Variants in PIK3C2G observed in about 807,000 individuals in gnomAD.
PIK3C2G encodes phosphatidylinositol-4-phosphate 3-kinase catalytic subunit type 2 gamma, also known as phosphatidylinositol 3-kinase C2 domain-containing subunit gamma.
In PIK3C2G, 168 loss-of-function variants were observed where a neutral mutation model predicts 181.1. The observed-to-expected ratio is 0.93, with a 90% confidence interval of 0.82 to 1.05. The LOEUF is 1.05. Among genes scored for constraint, PIK3C2G ranks in the 50% least tolerant of loss-of-function variants. The pLI is 0.00. For missense variants in PIK3C2G, 1,869 were observed against 1,732.8 expected (o/e 1.08, Z -1.40); for synonymous variants, 573 against 592.2 (o/e 0.97, Z 0.47).
At chr12:18,306,023 G>T (rs1280480330) in intron 5 of PIK3C2G, among the ~76,000 whole-genome samples, 1 of 151,544 alleles carries the variant, frequency 6.6e-6, no homozygotes, top group African/African-American at 2.4e-5. Context: ...AGTAGGGAGA[G>T]CGTTGCAAAC....
chr12:18,547,644 A>AAAAACAAAACAAAAC (rs143686648), intron 26 of PIK3C2G, among the ~76,000 whole-genome samples: 28,030 of 150,980 alleles, frequency 0.19, 2,645 homozygotes, highest in South Asian at 0.2. Context: ...GAGTTGTTGC[A>AAAAACAAAACAAAAC]AAAACAAAAC....
chr12:18,251,342 A>G (rs1247678853), intron 1 of PIK3C2G, among the ~76,000 whole-genome samples: 1 of 152,046 alleles, frequency 6.6e-6, no homozygotes, highest in South Asian at 2.1e-4. Context: ...AATTTTAGTC[A>G]TAGTCATTTA....
chr12:18,370,118 G>A (rs1362653727), intron 12 of PIK3C2G, among the ~76,000 whole-genome samples: 2 of 152,096 alleles, frequency 1.3e-5, no homozygotes, highest in Non-Finnish European at 2.9e-5. Flanking sequence ...ATACAATTGA[G>A]ATGACTCCAG....
intron 20 of PIK3C2G, among the ~76,000 whole-genome samples, chr12:18,492,841 C>T (rs988983446): frequency 1.3e-5 from 2 of 152,050 alleles, no homozygotes; most frequent in African/African-American, 4.8e-5. Flanking sequence ...GAGTCACCAC[C>T]CCTAGTGCTG....
At chr12:18,505,185 G>T in intron 23 of PIK3C2G, 107 bp from the exon 24 acceptor site, 1 of 943,078 alleles carries the variant, frequency 1.1e-6, no homozygotes, top group Non-Finnish European at 1.6e-6. Flanking sequence ...AATTTTTCCT[G>T]ATTATGTAAT....
chr12:18,493,783 T>C (rs1940784717), intron 20 of PIK3C2G: 1 of 152,206 alleles, frequency 6.6e-6, no homozygotes, highest in African/African-American at 2.4e-5. Context: ...TCAATTCGTT[T>C]CTTAAAGCGT....
chr12:18,532,320 T>C (rs1230551021), intron 24 of PIK3C2G, among the ~76,000 whole-genome samples: 1 of 152,176 alleles, frequency 6.6e-6, no homozygotes, highest in African/African-American at 2.4e-5. Context: ...TATTATCTTC[T>C]AGTCTATAGT....
At chr12:18,696,322 C>CAATATATATATATATATATA in the PIK3C2G span, 1 of 253,072 alleles carries the variant, frequency 4.0e-6, no homozygotes, top group Admixed American at 5.4e-5. Flanking sequence ...TAAAAAGCCA[C>CAATATATATATATATATATA]TATATATATA....
At chr12:18,618,799 A>G (rs1948717395) in intron 31 of PIK3C2G, among the ~76,000 whole-genome samples, 1 of 152,204 alleles carries the variant, frequency 6.6e-6, no homozygotes, top group Admixed American at 6.5e-5. Flanking sequence ...AGACTGAAAA[A>G]TAAAATACCT....
chr12:18,673,029 G>C, the PIK3C2G span, among the ~76,000 whole-genome samples: 1 of 152,156 alleles, frequency 6.6e-6, no homozygotes, highest in South Asian at 2.1e-4. Context: ...TTAAAATACA[G>C]AAGTGTTTGC....
chr12:18,617,207 T>A (rs1948643378), intron 31 of PIK3C2G, among the ~76,000 whole-genome samples: 1 of 152,090 alleles, frequency 6.6e-6, no homozygotes, highest in South Asian at 2.1e-4. Flanking sequence ...TTATAAAAAA[T>A]TTGTAAGTGT....
chr12:18,255,770 G>A (rs1948140403), intron 1 of PIK3C2G, among the ~76,000 whole-genome samples: 1 of 152,146 alleles, frequency 6.6e-6, no homozygotes, highest in South Asian at 2.1e-4. Context: ...AAATACTGTG[G>A]AACAACTTGC....
At chr12:18,460,331 T>G (rs1325611404) in intron 18 of PIK3C2G, among the ~76,000 whole-genome samples, 2 of 151,954 alleles carry the variant, frequency 1.3e-5, no homozygotes, top group Admixed American at 1.3e-4. Context: ...CTCAGTACTT[T>G]GGAAGGCCAA....
chr12:18,611,420 G>T (rs1006251684), intron 31 of PIK3C2G, among the ~76,000 whole-genome samples: 12 of 151,988 alleles, frequency 7.9e-5, no homozygotes, highest in Non-Finnish European at 1.3e-4. Flanking sequence ...AGATTTTAGT[G>T]CCTTAAAATT....
At chr12:18,417,702 A>G (rs911399736) in intron 16 of PIK3C2G, among the ~76,000 whole-genome samples, 1 of 152,126 alleles carries the variant, frequency 6.6e-6, no homozygotes, top group Non-Finnish European at 1.5e-5. Context: ...GCTATTACAC[A>G]TTTAGTAGAC....
At chr12:18,456,188 A>C (rs1947615827) in intron 18 of PIK3C2G, among the ~76,000 whole-genome samples, 1 of 152,186 alleles carries the variant, frequency 6.6e-6, no homozygotes. Context: ...TATTTTGGAC[A>C]AATGTCCAAG....
At chr12:18,717,139 G>C in the PIK3C2G span, among the ~76,000 whole-genome samples, 1 of 152,070 alleles carries the variant, frequency 6.6e-6, no homozygotes, top group East Asian at 1.9e-4. Context: ...TTAAATTTAA[G>C]TGTAAATTTG....
At chr12:18,680,585 AAAG>A in the PIK3C2G span, among the ~76,000 whole-genome samples, 4 of 152,022 alleles carry the variant, frequency 2.6e-5, no homozygotes, top group Non-Finnish European at 4.4e-5. Flanking sequence ...ACAACCAGAA[AAAG>A]AATAAACCCT....
chr12:18,325,935 A>G (rs2137503223), intron 8 of PIK3C2G, among the ~76,000 whole-genome samples: 1 of 152,270 alleles, frequency 6.6e-6, no homozygotes, highest in Non-Finnish European at 1.5e-5. Context: ...TGGAGCCATT[A>G]GGCAGAGTAG....
Sources: allele counts gnomAD v4.1 joint callset (sites outside exome capture counted in the v4.1 genomes callset), GRCh38; gene constraint gnomAD v4.1.1; transcripts MANE v1.5; gene names NCBI Gene and HGNC (gene_info 2026-07-23, HGNC 2026-07-21).